RDX: variants seen among roughly 807,000 people sequenced by gnomAD.
RDX encodes deafness, autosomal recessive 24.
RDX carries 32 observed loss-of-function variants against 83.7 expected under a neutral mutation model. The ratio of observed to expected loss-of-function variants is 0.38; its 90% CI spans 0.29 to 0.51. RDX has a LOEUF of 0.51. Among genes scored for constraint, RDX ranks in the 20% least tolerant of loss-of-function variants. The pLI is 0.87. For synonymous variants in RDX, 229 were observed against 222.7 expected (o/e 1.03, Z -0.25); for missense variants, 600 against 689.9 (o/e 0.87, Z 1.46).
chr11:110,204,570 G>A (rs902132663), intron 14 of RDX, among the ~76,000 whole-genome samples: 3 of 132,506 alleles, frequency 2.3e-5, no homozygotes, highest in African/African-American at 8.7e-5. Flanking sequence ...AGGCTGGAGT[G>A]CAATGGCGCA....
chr11:110,254,984 A>C (rs1266253073), intron 8 of RDX, among the ~76,000 whole-genome samples: 1 of 152,228 alleles, frequency 6.6e-6, no homozygotes, highest in East Asian at 1.9e-4. Context: ...TCTAGCCACC[A>C]ATGAAGAAAC....
intron 9 of RDX, among the ~76,000 whole-genome samples, chr11:110,251,515 T>C (rs551508421): frequency 1.1e-3 from 172 of 152,286 alleles, no homozygotes; most frequent in African/African-American, 1.7e-3. Flanking sequence ...ATCTGTTCGA[T>C]TGAGTGTTAG....
rs928846227 is a variant in RDX, at chr11:110,264,215, T to C, written c.212A>G (p.Lys71Arg). 3 of 1,607,314 alleles carry C rather than the reference T, an allele frequency of 1.9e-6. No individual in the cohort carries two copies. The highest frequency in any genetic ancestry group is 3.4e-5 in the Admixed American group (2 of 59,044). The change falls in exon 5 of 14, where the codon AAA (lysine) becomes AGA (arginine). Residue 71 changes from lysine to arginine, a missense_variant. By Grantham distance (26) the Lys-to-Arg change is conservative (BLOSUM62 2). Coordinates refer to ENST00000645495, the MANE Select transcript of RDX (RefSeq NM_002906.4). ...CTTGAACTGTAAAGGATTCTCTTTT[T>C]TAACATCCTGCTGTGTTACCTGGAA... ...LNKKVTQQDV[K>R]KENPLQFKFR...
At chr11:110,198,010 C>T (rs1485988239) in intron 15 of RDX, among the ~76,000 whole-genome samples, 1 of 152,122 alleles carries the variant, frequency 6.6e-6, no homozygotes, top group Non-Finnish European at 1.5e-5. Context: ...AATTCAAGGC[C>T]AAAGAAGCAA....
At chr11:110,235,312 C>T (rs1054285563) in intron 12 of RDX, among the ~76,000 whole-genome samples, 3 of 152,040 alleles carry the variant, frequency 2.0e-5, no homozygotes, top group African/African-American at 7.2e-5. Context: ...TGCACTCCAG[C>T]CTGGGACACA....
chr11:110,232,158 G>C, intron 13 of RDX, 125 bp from the exon 14 acceptor site: 1 of 797,358 alleles, frequency 1.3e-6, no homozygotes, highest in Non-Finnish European at 2.0e-6. Context: ...TTTTTCTTTA[G>C]GTATAAGTTT....
At chr11:110,252,661 G>C (rs1054012539) in intron 9 of RDX, among the ~76,000 whole-genome samples, 1 of 152,176 alleles carries the variant, frequency 6.6e-6, no homozygotes, top group African/African-American at 2.4e-5. Context: ...AGAAAGTAAA[G>C]CCCAATAAAG....
intron 2 of RDX, among the ~76,000 whole-genome samples, chr11:110,274,110 T>C (rs1202947397): frequency 2.6e-5 from 4 of 152,216 alleles, no homozygotes; most frequent in Non-Finnish European, 5.9e-5. Context: ...AGATTCATCC[T>C]TCTTTAAAAT....
chr11:110,219,253 A>G (rs1034468384), intron 14 of RDX, among the ~76,000 whole-genome samples: 7 of 152,166 alleles, frequency 4.6e-5, no homozygotes, highest in African/African-American at 1.4e-4. Context: ...GGCTGCTTTA[A>G]AGAATAACAA....
At chr11:110,263,899 A>G (rs1859905899) in intron 5 of RDX, 61 bp downstream of exon 5, 17 of 1,356,944 alleles carry the variant, frequency 1.3e-5, no homozygotes, top group Admixed American at 2.0e-5. Flanking sequence ...AAAACGTTTT[A>G]TTTATAGACT....
At chr11:110,286,824 A>G (rs990232994) in intron 1 of RDX, among the ~76,000 whole-genome samples, 11 of 152,214 alleles carry the variant, frequency 7.2e-5, no homozygotes, top group Non-Finnish European at 1.2e-4. Context: ...AATGGAATCT[A>G]CTAAAGAAGT....
chr11:110,220,576 G>A (rs997517493), intron 14 of RDX, among the ~76,000 whole-genome samples: 4 of 152,136 alleles, frequency 2.6e-5, no homozygotes, highest in African/African-American at 7.2e-5. Flanking sequence ...TCGGCTCACT[G>A]CAACCTCCAC....
At chr11:110,276,245 G>GT (rs879413884) in intron 2 of RDX, among the ~76,000 whole-genome samples, 7 of 151,438 alleles carry the variant, frequency 4.6e-5, no homozygotes, top group East Asian at 3.9e-4. Context: ...ATAATACAGG[G>GT]TTTTTTTTTA....
intron 7 of RDX, among the ~76,000 whole-genome samples, chr11:110,256,371 A>G (rs1470943780): frequency 2.6e-5 from 4 of 152,224 alleles, no homozygotes; most frequent in African/African-American, 9.6e-5. Flanking sequence ...TATAAGTCAA[A>G]GTAACATGCT....
intron 1 of RDX, among the ~76,000 whole-genome samples, chr11:110,289,976 A>AAC (rs1861162914): frequency 6.7e-6 from 1 of 148,822 alleles, no homozygotes; most frequent in Non-Finnish European, 1.5e-5. Context: ...AAAAAAAAAA[A>AAC]AAAAAACAAG....
intron 14 of RDX, among the ~76,000 whole-genome samples, chr11:110,208,933 G>C (rs1863706418): frequency 6.6e-6 from 1 of 152,180 alleles, no homozygotes; most frequent in Non-Finnish European, 1.5e-5. Context: ...TCTAGCCTGG[G>C]CAACAAGAGC....
chr11:110,181,305 GGCACCCGCCACCA>G (rs1862882105), intron 15 of RDX, among the ~76,000 whole-genome samples: 1 of 152,112 alleles, frequency 6.6e-6, no homozygotes, highest in African/African-American at 2.4e-5. Context: ...TGGGATTATA[GGCACCCGCCACCA>G]CGCCCAGCTG....
intron 14 of RDX, among the ~76,000 whole-genome samples, chr11:110,220,971 A>G (rs1864227106): frequency 6.6e-6 from 1 of 152,112 alleles, no homozygotes; most frequent in African/African-American, 2.4e-5. Flanking sequence ...CATAGGCTAC[A>G]GAGTCTATAT....
downstream of RDX, among the ~76,000 whole-genome samples, chr11:110,226,232 G>A (rs1016415594): frequency 1.1e-4 from 16 of 152,126 alleles, no homozygotes; most frequent in South Asian, 4.1e-4. Flanking sequence ...TAATTTAAGC[G>A]TCCATCAATA....
Sources: allele counts gnomAD v4.1 joint callset (sites outside exome capture counted in the v4.1 genomes callset), GRCh38; gene constraint gnomAD v4.1.1; transcripts MANE v1.5; gene names NCBI Gene and HGNC (gene_info 2026-07-23, HGNC 2026-07-21).